Variants in BNC2 observed in about 807,000 individuals in gnomAD.
The protein encoded by BNC2 is zinc finger protein basonuclin-2.
Under a neutral mutation model 76.3 loss-of-function variants are expected in BNC2, and 20 were observed. The ratio of observed to expected loss-of-function variants is 0.26; its 90% CI spans 0.18 to 0.38. BNC2 has a LOEUF of 0.38. Among genes scored for constraint, BNC2 ranks in the 10% least tolerant of loss-of-function variants. The probability of loss-of-function intolerance (pLI) is 1.00; values close to 1 mark genes in which losing one functional copy is unlikely to be tolerated. For missense variants in BNC2, 1,382 were observed against 1,399.8 expected, an observed-to-expected ratio of 0.99 and a Z score of 0.20; for synonymous variants, 582 against 514.8, an observed-to-expected ratio of 1.13 and a Z score of -1.77.
In BNC2 at chr9:16,811,276, C is replaced by T. The variant is rs1252249262; in HGVS notation, c.3+59370G>A. Among the ~76,000 whole-genome samples the T allele has an allele frequency of 3.4e-5, 5 of 145,694 alleles. No individual in the cohort carries two copies. The South Asian group carries it at 1.1e-3, about 31-fold the overall frequency. On this transcript the variant is annotated intron_variant, in intron 1 of 6. Transcript: ENST00000380672. Reference sequence around the variant, plus strand: ...AAACCACAGTGTATAGGGGGCCAGGCACGGTGGCTCACGCCTGTAATCCCA... The same window carrying T: ...AAACCACAGTGTATAGGGGGCCAGGTACGGTGGCTCACGCCTGTAATCCCA...
intron 4 of BNC2, among the ~76,000 whole-genome samples, chr9:16,571,057 T>C (rs1258432340): frequency 6.6e-6 from 1 of 152,176 alleles, no homozygotes; most frequent in African/African-American, 2.4e-5. Flanking sequence ...TTGTAAAATG[T>C]AGCAATTTTT....
At chr9:16,707,927 C>A (rs1024615607) in intron 3 of BNC2, among the ~76,000 whole-genome samples, 2 of 152,182 alleles carry the variant, frequency 1.3e-5, no homozygotes, top group Non-Finnish European at 2.9e-5. Flanking sequence ...CAGGTGTGAG[C>A]CACCACGCCG....
rs539206002 is a variant in BNC2 at position 16,697,670 on chromosome 9, C to T, written c.330+30127G>A. ...CCTGGGAGATGGAGGTGGCAGTGAG[C>T]CGAGATTGCCACTGCACTCCAGCCT... On this transcript the variant is annotated intron_variant, in intron 3 of 6. Transcript: ENST00000380672. 1.3e-4 allele frequency among the ~76,000 whole-genome samples: 19 copies of T among 151,588 alleles called. No homozygotes were observed. In the South Asian group the frequency reaches 3.8e-3, roughly 30 times the overall value.
chr9:16,781,060 G>T (rs1826139719), intron 1 of BNC2, among the ~76,000 whole-genome samples: 1 of 151,766 alleles, frequency 6.6e-6, no homozygotes, highest in African/African-American at 2.4e-5. Flanking sequence ...TTTATCCAGG[G>T]ACTTCTTTTT....
intron 1 of BNC2, among the ~76,000 whole-genome samples, chr9:16,815,430 A>C (rs16935088): frequency 0.041 from 6,294 of 152,310 alleles, 415 homozygotes; most frequent in African/African-American, 0.14. Context: ...TTGTAAGGAT[A>C]CTACTATTCA....
At chr9:16,784,628 T>C (rs1474831306) in intron 1 of BNC2, among the ~76,000 whole-genome samples, 1 of 152,146 alleles carries the variant, frequency 6.6e-6, no homozygotes, top group African/African-American at 2.4e-5. Context: ...TAAATGAAGT[T>C]TTGGGGCTGA....
At chr9:16,867,449 A>G (rs918464865) in intron 1 of BNC2, 42 of 152,208 alleles carry the variant, frequency 2.8e-4, no homozygotes, top group African/African-American at 8.4e-4. Context: ...CAATAACCAT[A>G]AAAGCCACAT....
At chr9:16,456,513 A>G (rs1306684947) in intron 5 of BNC2, among the ~76,000 whole-genome samples, 1 of 144,338 alleles carries the variant, frequency 6.9e-6, no homozygotes, top group Non-Finnish European at 1.5e-5. Flanking sequence ...CCTGGGAGAC[A>G]GAGCAAGACT....
chr9:16,870,517 C>A, intron 1 of BNC2, 129 bp downstream of exon 1: 1 of 1,025,232 alleles, frequency 9.8e-7, no homozygotes, highest in Non-Finnish European at 1.4e-6. Flanking sequence ...CTCCTCAGCG[C>A]CCCTTGCCCC....
intron 3 of BNC2, among the ~76,000 whole-genome samples, chr9:16,639,947 G>A (rs1419425844): frequency 2.0e-5 from 3 of 151,910 alleles, no homozygotes; most frequent in Admixed American, 6.6e-5. Flanking sequence ...CTCCAAAGTG[G>A]ATTACATTTT....
At chr9:16,484,803 A>G (rs1822127110) in intron 5 of BNC2, among the ~76,000 whole-genome samples, 2 of 152,194 alleles carry the variant, frequency 1.3e-5, no homozygotes, top group Admixed American at 1.3e-4. Context: ...CCTAAGATGA[A>G]CAAAAGCAAT....
chr9:16,496,661 A>G (rs1311981681), intron 5 of BNC2, among the ~76,000 whole-genome samples: 1 of 152,262 alleles, frequency 6.6e-6, no homozygotes, highest in Non-Finnish European at 1.5e-5. Context: ...AATTTTCATC[A>G]CATAAATATT....
Position 16,436,323 on chromosome 9 carries a change from C to T in BNC2, c.1871G>A (p.Ser624Asn), listed in dbSNP as rs780677421. The change falls in exon 6 of 7, where the codon AGT (serine) becomes AAT (asparagine). Residue 624 changes from serine to asparagine, a missense_variant. By Grantham distance (46) the Ser-to-Asn change is conservative. This residue lies in a region of BNC2 where 798 missense variants were observed against 775.5 expected (regional missense o/e 1.03). Coordinates refer to ENST00000380672, the MANE Select transcript of BNC2 (RefSeq NM_017637.6). Reference protein sequence around the residue: ...PAVMMATHEPSADLAPKKKPR... With the variant: ...PAVMMATHEPNADLAPKKKPR... ...CTTTTTCTTGGGTGCCAGGTCAGCA[C>T]TGGGCTCATGGGTGGCCATCATCAC... The T allele has an allele frequency of 2.5e-6, 4 of 1,614,152 alleles. No homozygotes were observed. In the East Asian group the frequency reaches 8.9e-5, roughly 36 times the overall value.
intron 3 of BNC2, among the ~76,000 whole-genome samples, chr9:16,638,953 C>T (rs1279167687): frequency 6.6e-6 from 1 of 151,964 alleles, no homozygotes; most frequent in African/African-American, 2.4e-5. Context: ...GTAATAATGT[C>T]TAGCATAGCA....
intron 3 of BNC2, among the ~76,000 whole-genome samples, chr9:16,697,654 T>C (rs1017269022): frequency 7.3e-5 from 11 of 149,884 alleles, no homozygotes; most frequent in African/African-American, 2.7e-4. Flanking sequence ...ACCTGGGAGA[T>C]GGAGGTGGCA....
At chr9:16,708,512 C>G (rs1045796378) in intron 3 of BNC2, among the ~76,000 whole-genome samples, 1 of 152,056 alleles carries the variant, frequency 6.6e-6, no homozygotes, top group Non-Finnish European at 1.5e-5. Context: ...GACACCAACC[C>G]TGAGTGAGGG....
At chr9:16,439,782 A>AC (rs146944446) in intron 5 of BNC2, among the ~76,000 whole-genome samples, 1,705 of 152,310 alleles carry the variant, frequency 0.011, 29 homozygotes, top group African/African-American at 0.039. Context: ...CTAGCATCCT[A>AC]CCATTTTACA....
In BNC2 at chr9:16,773,468, T is replaced by C. The variant is rs566684032; in HGVS notation, c.4-34983A>G. ...TTTTCTCGTTCTGTTGAGATTTTTC[T>C]CCTAATTGCTGACAAGAAAAGAGGA... On this transcript the variant is annotated intron_variant, in intron 1 of 6. Coordinates refer to ENST00000380672, the MANE Select transcript of BNC2 (RefSeq NM_017637.6). 6.0e-5 allele frequency among the ~76,000 whole-genome samples: 9 copies of C among 150,138 alleles called. No homozygotes were observed. In the South Asian group the frequency reaches 1.7e-3, roughly 28 times the overall value.
chr9:16,644,695 A>G (rs1821577213), intron 3 of BNC2, among the ~76,000 whole-genome samples: 1 of 152,244 alleles, frequency 6.6e-6, no homozygotes, highest in African/African-American at 2.4e-5. Flanking sequence ...TCAGTCTAAG[A>G]GCATCAAGAG....
Sources: gnomAD v4.1 joint callset for allele counts (sites outside exome capture counted in the v4.1 genomes callset) on GRCh38, gnomAD v4.1.1 for gene constraint, gnomAD v4.1.1 regional missense constraint, MANE v1.5 for transcripts, NCBI Gene and HGNC (gene_info 2026-07-23, HGNC 2026-07-21) for gene names.